The following FRMD5 variants were observed in gnomAD, a reference collection of about 807,000 sequenced individuals.
The protein encoded by FRMD5 is FERM domain containing 5.
FRMD5 carries 20 observed loss-of-function variants against 69.0 expected under a neutral mutation model. That is an observed-to-expected ratio of 0.29 (90% CI 0.20 to 0.42). FRMD5 has a LOEUF of 0.42. FRMD5 is among the 10% of genes least tolerant of loss of function. The pLI is 1.00. For synonymous variants in FRMD5, 271 were observed against 260.1 expected (o/e 1.04, Z -0.40); for missense variants, 595 against 708.6 (o/e 0.84, Z 1.82).
At chr15:44,025,530 G>C (rs1405135861) in intron 1 of FRMD5, among the ~76,000 whole-genome samples, 2 of 152,158 alleles carry the variant, frequency 1.3e-5, no homozygotes, top group African/African-American at 4.8e-5. Context: ...AACTGAGTAA[G>C]TCAACATCAG....
At chr15:44,110,239 A>G (rs955892067) in intron 1 of FRMD5, among the ~76,000 whole-genome samples, 1 of 152,276 alleles carries the variant, frequency 6.6e-6, no homozygotes, top group South Asian at 2.1e-4. Context: ...GCTGGAGCAC[A>G]GTAGATATTC....
chr15:44,109,835 A>C (rs1006595963), intron 1 of FRMD5, among the ~76,000 whole-genome samples: 1 of 152,188 alleles, frequency 6.6e-6, no homozygotes, highest in Admixed American at 6.6e-5. Context: ...TAACCCCTGG[A>C]AACCACTGAT....
At chr15:44,097,337 G>C (rs2076568293) in intron 1 of FRMD5, among the ~76,000 whole-genome samples, 1 of 152,238 alleles carries the variant, frequency 6.6e-6, no homozygotes, top group South Asian at 2.1e-4. Flanking sequence ...CTTTAGCAAA[G>C]CCTCACTTTG....
At chr15:44,050,904 T>A (rs1029058596) in intron 1 of FRMD5, among the ~76,000 whole-genome samples, 9 of 151,856 alleles carry the variant, frequency 5.9e-5, no homozygotes, top group Non-Finnish European at 1.2e-4. Context: ...GCGATCTGCC[T>A]GCCTCAGCCT....
At chr15:44,129,677 G>A (rs1463390468) in intron 1 of FRMD5, among the ~76,000 whole-genome samples, 4 of 152,192 alleles carry the variant, frequency 2.6e-5, no homozygotes. Context: ...AAGAGATACT[G>A]TAGGATAGGC....
chr15:43,903,066 G>C (rs2089084956), intron 6 of FRMD5, among the ~76,000 whole-genome samples: 1 of 152,254 alleles, frequency 6.6e-6, no homozygotes, highest in African/African-American at 2.4e-5. Flanking sequence ...TCCGGCTCCA[G>C]GCCATCTGAA....
At chr15:44,121,470 G>GTCT (rs1487606800) in intron 1 of FRMD5, among the ~76,000 whole-genome samples, 1 of 152,036 alleles carries the variant, frequency 6.6e-6, no homozygotes, top group Non-Finnish European at 1.5e-5. Context: ...TCTGCTTTCA[G>GTCT]TCTTCAATCC....
intron 1 of FRMD5, among the ~76,000 whole-genome samples, chr15:43,930,994 A>T (rs760932322): frequency 1.1e-4 from 16 of 152,348 alleles, no homozygotes; most frequent in Non-Finnish European, 2.4e-4. Flanking sequence ...GAGCAAGGCT[A>T]ACAAGAGGGC....
intron 1 of FRMD5, among the ~76,000 whole-genome samples, chr15:44,004,332 T>G (rs1003149733): frequency 6.6e-6 from 1 of 152,242 alleles, no homozygotes; most frequent in Non-Finnish European, 1.5e-5. Flanking sequence ...TGCTTCACTT[T>G]ATTGTGACTC....
chr15:43,908,477 GTATTT>G (rs1228452711), intron 5 of FRMD5, among the ~76,000 whole-genome samples: 7 of 152,222 alleles, frequency 4.6e-5, no homozygotes, highest in African/African-American at 1.4e-4. Flanking sequence ...GCCAGCCGTG[GTATTT>G]CTATTGCCAG....
At chr15:43,985,015 T>C (rs1174592904) in intron 1 of FRMD5, among the ~76,000 whole-genome samples, 5 of 148,126 alleles carry the variant, frequency 3.4e-5, no homozygotes, top group African/African-American at 1.2e-4. Context: ...GCACGGTGGC[T>C]CACGCCTGTA....
intron 1 of FRMD5, among the ~76,000 whole-genome samples, chr15:43,970,864 T>C (rs1262502926): frequency 6.6e-6 from 1 of 152,114 alleles, no homozygotes; most frequent in Non-Finnish European, 1.5e-5. Flanking sequence ...ATTATAGTAA[T>C]ATGATAAAAG....
chr15:44,071,430 A>T (rs1323816112), intron 1 of FRMD5, among the ~76,000 whole-genome samples: 1 of 144,996 alleles, frequency 6.9e-6, no homozygotes, highest in Non-Finnish European at 1.5e-5. Flanking sequence ...CTGTCTAAAC[A>T]AAACAAAACA....
intron 12 of FRMD5, 28 bp downstream of exon 12, chr15:43,884,699 G>GT (rs1384313975): frequency 1.2e-6 from 2 of 1,605,086 alleles, no homozygotes; most frequent in Middle Eastern, 1.7e-4. Flanking sequence ...AGCTACAACT[G>GT]TTTGGGGGGA....
intron 1 of FRMD5, among the ~76,000 whole-genome samples, chr15:44,020,846 T>A (rs1228940651): frequency 6.6e-6 from 1 of 152,182 alleles, no homozygotes; most frequent in Non-Finnish European, 1.5e-5. Context: ...TTTCAAGCTA[T>A]CAACATGAAA....
intron 1 of FRMD5, among the ~76,000 whole-genome samples, chr15:44,099,227 T>C (rs752453673): frequency 6.6e-6 from 1 of 152,202 alleles, no homozygotes; most frequent in Non-Finnish European, 1.5e-5. Flanking sequence ...CAGTTCCCTC[T>C]ACCAATGCTC....
In FRMD5 at chr15:43,872,848, T is replaced by C. The variant is rs1289573276; in HGVS notation, c.*1037A>G. The C allele has an allele frequency of 2.6e-5, 7 of 267,792 alleles. No homozygotes were observed. Among genetic ancestry groups the C allele is most frequent in the Non-Finnish European group, 4.9e-5 (7 of 143,698 alleles). The allele number at this position is 267,792 out of a possible 1,614,324, so 16.6% of individuals were successfully genotyped here. A position where few individuals can be genotyped will look rare whatever the true frequency, so the allele number is the denominator to read the frequency against. On this transcript the variant is annotated 3_prime_UTR_variant, in exon 14 of 14. Coordinates refer to ENST00000417257, the MANE Select transcript of FRMD5 (RefSeq NM_032892.5). Reference sequence around the variant, plus strand: ...TAATCCATAAAGTAAAAACAAAATATGAATTGTTAAGAAAATAACATTTCG... The same window carrying C: ...TAATCCATAAAGTAAAAACAAAATACGAATTGTTAAGAAAATAACATTTCG...
intron 1 of FRMD5, among the ~76,000 whole-genome samples, chr15:44,053,204 T>A (rs1353029695): frequency 6.6e-6 from 1 of 152,078 alleles, no homozygotes; most frequent in East Asian, 1.9e-4. Context: ...TGTGGTACAT[T>A]AAAAAGCTCA....
At chr15:43,990,718 C>A (rs1207696834) in intron 1 of FRMD5, among the ~76,000 whole-genome samples, 1 of 151,944 alleles carries the variant, frequency 6.6e-6, no homozygotes. Flanking sequence ...CAAAGATTGC[C>A]ATGGAAAATG....
Sources: gnomAD v4.1 joint callset for allele counts (sites outside exome capture counted in the v4.1 genomes callset) on GRCh38, gnomAD v4.1.1 for gene constraint, MANE v1.5 for transcripts, NCBI Gene and HGNC (gene_info 2026-07-23, HGNC 2026-07-21) for gene names.